Variants in NOL4 observed in about 807,000 individuals in gnomAD.
NOL4 encodes the protein cancer/testis antigen 125.
NOL4 carries 17 observed loss-of-function variants against 75.9 expected under a neutral mutation model. The ratio of observed to expected loss-of-function variants is 0.22; its 90% CI spans 0.15 to 0.34. The LOEUF is 0.34. Among genes scored for constraint, NOL4 ranks in the 10% least tolerant of loss-of-function variants. The pLI, the probability that NOL4 is intolerant of heterozygous loss-of-function variation, is 1.00. For missense variants in NOL4, 614 were observed against 793.5 expected (o/e 0.77, Z 2.72); for synonymous variants, 292 against 289.9 (o/e 1.01, Z -0.07).
At chr18:34,031,965 A>T (rs1213816820) in intron 5 of NOL4, among the ~76,000 whole-genome samples, 2 of 152,230 alleles carry the variant, frequency 1.3e-5, no homozygotes, top group East Asian at 3.9e-4. Flanking sequence ...CTAAGCAGCT[A>T]CAACAAGCTG....
At chr18:34,048,666 A>G in intron 5 of NOL4, 1 of 932,540 alleles carries the variant, frequency 1.1e-6, no homozygotes. Context: ...CAGTGGGACT[A>G]CTGAGATGAG....
chr18:34,052,766 G>A (rs1461478714), intron 5 of NOL4, among the ~76,000 whole-genome samples: 3 of 152,022 alleles, frequency 2.0e-5, no homozygotes, highest in African/African-American at 7.2e-5. Context: ...AGAATGCTAC[G>A]AGAGAATCTA....
chr18:34,086,452 G>T (rs1478484243), intron 5 of NOL4, among the ~76,000 whole-genome samples: 2 of 152,028 alleles, frequency 1.3e-5, no homozygotes, highest in Non-Finnish European at 2.9e-5. Context: ...CATTTTAATA[G>T]CTTTTCTGAT....
intron 1 of NOL4, among the ~76,000 whole-genome samples, chr18:34,191,762 A>C (rs1227998530): frequency 6.6e-6 from 1 of 152,162 alleles, no homozygotes; most frequent in Non-Finnish European, 1.5e-5. Flanking sequence ...TGGAAAAGCA[A>C]GTGTGTAGCA....
intron 1 of NOL4, among the ~76,000 whole-genome samples, chr18:34,135,667 C>CAGCCTGG (rs2080857887): frequency 7.9e-6 from 1 of 126,126 alleles, no homozygotes; most frequent in African/African-American, 3.1e-5. Flanking sequence ...CACTGCACTC[C>CAGCCTGG]AGCCTGGGCG....
chr18:34,167,873 G>A (rs1600780143), intron 1 of NOL4, among the ~76,000 whole-genome samples: 1 of 151,932 alleles, frequency 6.6e-6, no homozygotes, highest in Non-Finnish European at 1.5e-5. Context: ...GGAATTGGAG[G>A]GAAAGGAATA....
chr18:34,022,925 G>T (rs1481704553), intron 5 of NOL4, among the ~76,000 whole-genome samples: 2 of 151,872 alleles, frequency 1.3e-5, no homozygotes, highest in East Asian at 3.9e-4. Flanking sequence ...TATTTGTCAG[G>T]AAAGGCTTTA....
chr18:34,104,269 T>C, intron 3 of NOL4, 110 bp from the exon 4 acceptor site: 1 of 694,602 alleles, frequency 1.4e-6, no homozygotes, highest in Non-Finnish European at 2.5e-6. Flanking sequence ...ATCAAGTGTC[T>C]TAAAGCATGG....
intron 9 of NOL4, among the ~76,000 whole-genome samples, chr18:33,926,739 T>A (rs2067356331): frequency 6.6e-6 from 1 of 152,030 alleles, no homozygotes; most frequent in Non-Finnish European, 1.5e-5. Flanking sequence ...TAGCTGGGAT[T>A]AGAGGCGCCC....
chr18:34,208,984 C>T lies in NOL4; in HGVS notation c.264+14006G>A, dbSNP rs553249246. The stretch of plus-strand genomic sequence containing the variant: ...TAGCACTTTGGGAGGCAGAGTCAGA[C>T]GGATCACCTGAGGTCAGGAGTTCGA... On this transcript the variant is annotated intron_variant, in intron 1 of 10. Coordinates refer to ENST00000261592, the MANE Select transcript of NOL4 (RefSeq NM_003787.5). Among the ~76,000 whole-genome samples the T allele has an allele frequency of 3.4e-3, 520 of 151,696 alleles. 5 individuals carry two copies. Among genetic ancestry groups the T allele is most frequent in the African/African-American group, 0.012 (510 of 41,374 alleles).
chr18:33,931,998 A>G (rs2067724153), intron 9 of NOL4, among the ~76,000 whole-genome samples: 1 of 152,098 alleles, frequency 6.6e-6, no homozygotes, highest in Non-Finnish European at 1.5e-5. Flanking sequence ...TGGAAAGTTC[A>G]TGTCACTGAT....
chr18:34,020,727 AAG>A (rs1473766994), intron 5 of NOL4, among the ~76,000 whole-genome samples: 2 of 152,156 alleles, frequency 1.3e-5, no homozygotes, highest in Non-Finnish European at 2.9e-5. Flanking sequence ...CTAGCTACAA[AAG>A]AGTGTGGTTG....
chr18:33,902,826 T>C (rs2065822114), intron 9 of NOL4, among the ~76,000 whole-genome samples: 2 of 152,122 alleles, frequency 1.3e-5, no homozygotes, highest in Admixed American at 1.3e-4. Context: ...AATCCCTATG[T>C]TATATTTATA....
At chr18:34,029,998 A>G (rs1029491043) in intron 5 of NOL4, among the ~76,000 whole-genome samples, 4 of 152,226 alleles carry the variant, frequency 2.6e-5, no homozygotes, top group African/African-American at 7.2e-5. Context: ...GCTATTACTT[A>G]CAAATGTTAT....
At chr18:33,881,196 G>T (rs912574954) in intron 10 of NOL4, among the ~76,000 whole-genome samples, 24 of 150,664 alleles carry the variant, frequency 1.6e-4, no homozygotes, top group Admixed American at 1.1e-3. Flanking sequence ...GAATGCTTGT[G>T]ATTTTTGTAC....
At chr18:34,170,077 G>A (rs2032865205) in intron 1 of NOL4, among the ~76,000 whole-genome samples, 1 of 152,098 alleles carries the variant, frequency 6.6e-6, no homozygotes, top group Non-Finnish European at 1.5e-5. Context: ...CAAGGATAAA[G>A]GTAGAAACTT....
chr18:33,934,123 A>G (rs1390961837), intron 9 of NOL4, among the ~76,000 whole-genome samples: 1 of 152,030 alleles, frequency 6.6e-6, no homozygotes, highest in Non-Finnish European at 1.5e-5. Context: ...TGCATTGTCA[A>G]TGAGCAGCAA....
At chr18:34,089,585 C>G (rs529884809) in intron 5 of NOL4, among the ~76,000 whole-genome samples, 1 of 152,164 alleles carries the variant, frequency 6.6e-6, no homozygotes, top group African/African-American at 2.4e-5. Flanking sequence ...ATGTGGAGAG[C>G]GACTATCAAG....
chr18:33,992,250 G>A (rs181701801), intron 6 of NOL4, among the ~76,000 whole-genome samples: 1 of 152,082 alleles, frequency 6.6e-6, no homozygotes, highest in East Asian at 1.9e-4. Flanking sequence ...TCAAAATGGT[G>A]TAAGATATAC....
Sources: gnomAD v4.1 joint callset for allele counts (sites outside exome capture counted in the v4.1 genomes callset) on GRCh38, gnomAD v4.1.1 for gene constraint, MANE v1.5 for transcripts, NCBI Gene and HGNC (gene_info 2026-07-23, HGNC 2026-07-21) for gene names.